Variants in HLCS observed in about 807,000 individuals in gnomAD.
The protein encoded by HLCS is biotin--protein ligase.
Under a neutral mutation model 75.0 loss-of-function variants are expected in HLCS, and 53 were observed. The observed-to-expected ratio is 0.71, with a 90% CI of 0.57 to 0.89. HLCS has a LOEUF of 0.89. HLCS is among the 40% of genes least tolerant of loss of function. The pLI is 0.00. For missense variants in HLCS, 966 were observed against 1,074.0 expected (o/e 0.90, Z 1.41); for synonymous variants, 431 against 428.6 (o/e 1.01, Z -0.07).
chr21:36,838,455 C>T (rs1404055187), intron 6 of HLCS, among the ~76,000 whole-genome samples: 2 of 152,130 alleles, frequency 1.3e-5, no homozygotes, highest in African/African-American at 4.8e-5. Flanking sequence ...CCTGTAATCT[C>T]AGCACTTTGG....
intron 6 of HLCS, among the ~76,000 whole-genome samples, chr21:36,856,945 T>A (rs562813383): frequency 2.0e-5 from 3 of 152,328 alleles, no homozygotes; most frequent in African/African-American, 7.2e-5. Context: ...TACCTTAAAT[T>A]AGTAATTTGC....
intron 6 of HLCS, among the ~76,000 whole-genome samples, chr21:36,840,571 A>G (rs2146093108): frequency 6.6e-6 from 1 of 152,300 alleles, no homozygotes; most frequent in African/African-American, 2.4e-5. Context: ...ATCTTCCTAT[A>G]TGATGAGACT....
At chr21:36,937,510 G>A (rs1189609199) in intron 3 of HLCS, 118 bp from the exon 4 acceptor site, 2 of 954,030 alleles carry the variant, frequency 2.1e-6, no homozygotes, top group Non-Finnish European at 3.3e-6. Context: ...TTCCAGGACA[G>A]CCTCTGGCAC....
chr21:36,784,331 T>A (rs74475401), intron 6 of HLCS, among the ~76,000 whole-genome samples: 6 of 129,200 alleles, frequency 4.6e-5, no homozygotes, highest in South Asian at 2.4e-4. Context: ...TTTTTTTTTT[T>A]AATGAGACAG....
intron 6 of HLCS, among the ~76,000 whole-genome samples, chr21:36,844,900 G>A (rs2062743095): frequency 6.6e-6 from 1 of 152,104 alleles, no homozygotes; most frequent in South Asian, 2.1e-4. Flanking sequence ...AACAGATGTT[G>A]GAGACCTATT....
At chr21:36,807,956 T>TA in intron 6 of HLCS, among the ~76,000 whole-genome samples, 1 of 152,066 alleles carries the variant, frequency 6.6e-6, no homozygotes, top group Middle Eastern at 3.4e-3. Flanking sequence ...GTGAAGTGTA[T>TA]AAAATGAAAC....
chr21:36,757,046 T>A, intron 9 of HLCS: 2 of 689,012 alleles, frequency 2.9e-6, no homozygotes, highest in Non-Finnish European at 3.6e-6. Flanking sequence ...TAGAAGCTAT[T>A]AAATATGGGA....
rs553068705 is a variant in HLCS, at chr21:36,924,588, T to C, written c.1620+5663A>G. On this transcript the variant is annotated intron_variant, in intron 5 of 10. Transcript: ENST00000674895. ...AAAGAAAAACAACAGAAACGAAAAA[T>C]ACATAAGCCTCTTCACTGTCCTGTA... Among the ~76,000 whole-genome samples the C allele has an allele frequency of 1.6e-3, 240 of 151,990 alleles. 2 individuals are homozygous for C. Among genetic ancestry groups the C allele is most frequent in the African/African-American group, 5.5e-3 (228 of 41,472 alleles).
intron 6 of HLCS, among the ~76,000 whole-genome samples, chr21:36,792,963 G>T (rs1003471419): frequency 5.3e-5 from 8 of 152,102 alleles, no homozygotes; most frequent in African/African-American, 1.9e-4. Flanking sequence ...CCATCCATTT[G>T]GTTTTGTTTC....
At chr21:36,937,604 A>G (rs551274344) in intron 3 of HLCS, among the ~76,000 whole-genome samples, 1 of 152,314 alleles carries the variant, frequency 6.6e-6, no homozygotes, top group East Asian at 1.9e-4. Context: ...AAGTGAAATC[A>G]GCAGTTTGCC....
In HLCS at chr21:36,902,514, T is replaced by C. The variant is rs377444965; in HGVS notation, c.1621-5383A>G. ...GGTTGCACAGCCATACGGGACAGCC[T>C]GGTAACTGAAATTCGCTGCTCCCAC... On this transcript the variant is annotated intron_variant, in intron 5 of 10. Coordinates refer to ENST00000674895, the MANE Select transcript of HLCS (RefSeq NM_001352514.2). Among the ~76,000 whole-genome samples the C allele has an allele frequency of 6.4e-4, 98 of 152,324 alleles. 3 individuals carry two copies. Among genetic ancestry groups the C allele is most frequent in the Middle Eastern group, 3.4e-3 (1 of 294 alleles).
chr21:36,927,116 T>C (rs555120719), intron 5 of HLCS, among the ~76,000 whole-genome samples: 1 of 152,344 alleles, frequency 6.6e-6, no homozygotes, highest in Admixed American at 6.5e-5. Flanking sequence ...GTTTAACTTT[T>C]TGTCATTTTG....
At chr21:36,889,403 T>C in intron 6 of HLCS, among the ~76,000 whole-genome samples, 1 of 152,208 alleles carries the variant, frequency 6.6e-6, no homozygotes, top group African/African-American at 2.4e-5. Context: ...AAAGACGCTA[T>C]TGGCCAAATA....
rs139970031 is a variant in HLCS at position 36,762,405 on chromosome 21, G to T, written c.2122-2564C>A. Among the ~76,000 whole-genome samples, 523 of 152,286 alleles carry T rather than the reference G, an allele frequency of 3.4e-3. 2 individuals carry two copies. Among genetic ancestry groups the T allele is most frequent in the African/African-American group, 0.011 (473 of 41,560 alleles). On this transcript the variant is annotated intron_variant, in intron 8 of 10. Transcript: ENST00000674895. ...GTGCGGGGCCCGGGGGGACTTCATG[G>T]ACAGAAGAAAGAGCAGGAGTGAGAA...
At chr21:36,824,606 C>T (rs1364098636) in intron 6 of HLCS, among the ~76,000 whole-genome samples, 1 of 152,152 alleles carries the variant, frequency 6.6e-6, no homozygotes, top group African/African-American at 2.4e-5. Flanking sequence ...AACAAACAAA[C>T]AAACAAAACT....
intron 6 of HLCS, among the ~76,000 whole-genome samples, chr21:36,809,836 C>T (rs2061461226): frequency 6.6e-6 from 1 of 152,100 alleles, no homozygotes; most frequent in Admixed American, 6.5e-5. Context: ...CCTCCTGGGC[C>T]CAAGCAATCC....
intron 6 of HLCS, among the ~76,000 whole-genome samples, chr21:36,848,867 A>G (rs1485369302): frequency 6.6e-6 from 1 of 152,222 alleles, no homozygotes; most frequent in African/African-American, 2.4e-5. Flanking sequence ...GGAAAGAAAA[A>G]AGAAATCCCA....
chr21:36,874,799 C>A (rs1021543598), intron 6 of HLCS, among the ~76,000 whole-genome samples: 14 of 152,222 alleles, frequency 9.2e-5, no homozygotes, highest in African/African-American at 3.1e-4. Flanking sequence ...TGGGCAGGAG[C>A]CCCATGCTCC....
intron 1 of HLCS, among the ~76,000 whole-genome samples, chr21:36,978,060 C>A (rs956496134): frequency 9.9e-5 from 15 of 152,192 alleles, no homozygotes; most frequent in Non-Finnish European, 2.1e-4. Context: ...TTTTCCTCAA[C>A]TGGTCAATCA....
Sources: allele counts gnomAD v4.1 joint callset (sites outside exome capture counted in the v4.1 genomes callset), GRCh38; gene constraint gnomAD v4.1.1; transcripts MANE v1.5; gene names NCBI Gene and HGNC (gene_info 2026-07-23, HGNC 2026-07-21).